Variants in KLHDC4 observed in about 807,000 individuals in gnomAD.
The protein encoded by KLHDC4 is kelch domain containing 4.
In KLHDC4, 90 loss-of-function variants were observed where a neutral mutation model predicts 62.4. The observed-to-expected ratio is 1.44, with a 90% CI of 1.22 to 1.72. The LOEUF is 1.72. Ranked by LOEUF, KLHDC4 falls within the 40% of genes most tolerant of loss-of-function variation. The probability of loss-of-function intolerance (pLI) is 0.00; values close to 1 mark genes in which losing one functional copy is unlikely to be tolerated. For synonymous variants in KLHDC4, 386 were observed against 284.4 expected (o/e 1.36, Z -3.59); for missense variants, 1,025 against 699.7 (o/e 1.47, Z -5.25).
chr16:87,709,559 C>CCTGGGTA lies in KLHDC4; in HGVS notation c.1152_1153insTACCCAG (p.Val385TyrfsTer17), dbSNP rs773847310. ...CCATCCTCGGCCACCACCTCCTTGA[C>CCTGGGTA]CAGCTGCACAGGCCCCTGGGTGCCA... On this transcript the variant is annotated frameshift_variant, in exon 10 of 12. Transcript: ENST00000270583. LOFTEE classifies it high-confidence loss of function. 1.7e-5 allele frequency: 28 copies of CCTGGGTA among 1,612,934 alleles called. No homozygotes were observed. In the Admixed American group the frequency reaches 4.5e-4, roughly 26 times the overall value.
Position 87,745,428 on chromosome 16 carries a change from A to T in KLHDC4, c.506+3245T>A, listed in dbSNP as rs575201573. Among the ~76,000 whole-genome samples the T allele has an allele frequency of 2.6e-3, 389 of 152,332 alleles. 3 individuals are homozygous for T. The highest frequency in any genetic ancestry group is 8.4e-3 in the African/African-American group (351 of 41,564). ...TGCTGCAGAGGGCACCACCTCCCGG[A>T]ACGTGAGCTCCGCCTGATGCTGCAG... On this transcript the variant is annotated intron_variant, in intron 5 of 11. Transcript: ENST00000270583.
chr16:87,738,357 G>GCACACACA lies in KLHDC4; in HGVS notation c.507-7721_507-7714dup, dbSNP rs112406800. Among the ~76,000 whole-genome samples, 506 of 149,850 alleles carry GCACACACA rather than the reference G, an allele frequency of 3.4e-3. 1 individual carries two copies. Among genetic ancestry groups the GCACACACA allele is most frequent in the Non-Finnish European group, 5.7e-3 (382 of 67,248 alleles). The stretch of plus-strand genomic sequence containing the variant: ...CGTATGCCTGCGCACACACGGACGT[G>GCACACACA]CACACACACACACACACACACATCT... On this transcript the variant is annotated intron_variant, in intron 5 of 11. Coordinates refer to ENST00000270583, the MANE Select transcript of KLHDC4 (RefSeq NM_017566.4).
At chr16:87,749,068 G>A (rs2043487624) in intron 4 of KLHDC4, among the ~76,000 whole-genome samples, 1 of 151,168 alleles carries the variant, frequency 6.6e-6, no homozygotes, top group African/African-American at 2.4e-5. Context: ...CCATTTACAT[G>A]TAGACAATGC....
At chr16:87,765,065 C>T (rs147914202) in intron 1 of KLHDC4, 1 of 454,506 alleles carries the variant, frequency 2.2e-6, no homozygotes, top group Admixed American at 2.4e-5. Flanking sequence ...ACGGAACTGA[C>T]CTGCTCGTGA....
At chr16:87,698,212 G>C (rs1165298046) in exon 1 of KLHDC4, 1 of 152,372 alleles carries the variant, frequency 6.6e-6, no homozygotes, top group Admixed American at 6.5e-5. Flanking sequence ...TCGCCGCCTG[G>C]TCTGGTGGGG....
intron 5 of KLHDC4, among the ~76,000 whole-genome samples, chr16:87,744,414 T>TC (rs2042716288): frequency 8.8e-6 from 1 of 113,214 alleles, no homozygotes; most frequent in African/African-American, 3.4e-5. Context: ...AGACTCCGTC[T>TC]CCAAAAAAAA....
chr16:87,714,047 C>G (rs1346512104), intron 8 of KLHDC4, among the ~76,000 whole-genome samples: 1 of 152,174 alleles, frequency 6.6e-6, no homozygotes, highest in African/African-American at 2.4e-5. Context: ...GGGAAGCCCA[C>G]ACCCAGCCTG....
At chr16:87,730,829 C>G (rs1192674018) in intron 5 of KLHDC4, 185 bp from the exon 6 acceptor site, 5 of 532,794 alleles carry the variant, frequency 9.4e-6, no homozygotes, top group African/African-American at 3.9e-5. Flanking sequence ...AAGAGCCCAG[C>G]TAGCTAAGCT....
At chr16:87,747,294 G>A (rs574021675) in intron 5 of KLHDC4, among the ~76,000 whole-genome samples, 1 of 152,200 alleles carries the variant, frequency 6.6e-6, no homozygotes, top group African/African-American at 2.4e-5. Context: ...GTGAACAAGA[G>A]ATACCAAAGC....
chr16:87,757,279 C>A (rs539858716), intron 2 of KLHDC4: 58 of 151,416 alleles, frequency 3.8e-4, no homozygotes, highest in African/African-American at 1.4e-3. Context: ...ACCATCCTAG[C>A]CAACATGGCG....
intron 4 of KLHDC4, among the ~76,000 whole-genome samples, chr16:87,753,432 C>CA (rs11399780): frequency 0.26 from 39,412 of 152,042 alleles, 5,476 homozygotes; most frequent in South Asian, 0.45. Context: ...GAGAGAGCGT[C>CA]AAAGATCAAG....
In KLHDC4 at chr16:87,761,953, G is replaced by T; in HGVS notation, c.187C>A (p.Pro63Thr). The change falls in exon 2 of 12, where the codon CCA becomes ACA. Residue 63 changes from proline to threonine, a missense_variant. Coordinates refer to ENST00000270583, the MANE Select transcript of KLHDC4 (RefSeq NM_017566.4). ...TGAAAAATGCTACTTGCTCACCTTG[G>T]TGAGGGTGGGGGGCACGGAAGTTCC... Reference protein sequence around the residue: ...TVELPCPPPSPRLNASLSVHP... With the variant: ...TVELPCPPPSTRLNASLSVHP... 2 of 1,613,464 alleles carry T rather than the reference G, an allele frequency of 1.2e-6. No homozygotes were observed. The highest frequency in any genetic ancestry group is 1.7e-6 in the Non-Finnish European group (2 of 1,179,764).
intron 3 of KLHDC4, chr16:87,756,109 G>C (rs193302581): frequency 1.5e-5 from 4 of 261,422 alleles, no homozygotes; most frequent in African/African-American, 8.5e-5. Context: ...CTGGGAGGAA[G>C]AACAGCACAG....
chr16:87,709,817 T>C, intron 9 of KLHDC4, 150 bp from the exon 10 acceptor site: 1 of 891,352 alleles, frequency 1.1e-6, no homozygotes, highest in East Asian at 2.7e-5. Context: ...CTGACTGCCC[T>C]GGGTGCAGGC....
chr16:87,723,431 A>G (rs1373843411), intron 7 of KLHDC4, among the ~76,000 whole-genome samples: 1 of 152,264 alleles, frequency 6.6e-6, no homozygotes. Flanking sequence ...TGAAAGCGAT[A>G]CAGCTTAGCC....
chr16:87,708,540 G>A (rs2035108453), intron 10 of KLHDC4, 74 bp from the exon 11 acceptor site: 3 of 1,099,906 alleles, frequency 2.7e-6, no homozygotes, highest in Non-Finnish European at 3.9e-6. Context: ...GGACGGTGGT[G>A]GCTACGTCCT....
At chr16:87,761,535 T>C (rs539123736) in intron 2 of KLHDC4, among the ~76,000 whole-genome samples, 3 of 152,376 alleles carry the variant, frequency 2.0e-5, no homozygotes, top group South Asian at 4.1e-4. Context: ...ATACTCAATT[T>C]ATGTTTAACA....
At chr16:87,734,629 A>C (rs1274362203) in intron 5 of KLHDC4, among the ~76,000 whole-genome samples, 1 of 152,184 alleles carries the variant, frequency 6.6e-6, no homozygotes, top group Non-Finnish European at 1.5e-5. Flanking sequence ...AACCAGAAGC[A>C]ATCAGTTCCT....
At chr16:87,758,541 G>A (rs975772824) in intron 2 of KLHDC4, among the ~76,000 whole-genome samples, 3 of 152,142 alleles carry the variant, frequency 2.0e-5, no homozygotes, top group African/African-American at 7.2e-5. Context: ...CCAGGGGGCT[G>A]GGGGAGGGGA....
Sources: allele counts gnomAD v4.1 joint callset (sites outside exome capture counted in the v4.1 genomes callset), GRCh38; gene constraint gnomAD v4.1.1; transcripts MANE v1.5; gene names NCBI Gene and HGNC (gene_info 2026-07-23, HGNC 2026-07-21).